DARS1: variants seen among roughly 807,000 people sequenced by gnomAD.
DARS1 encodes aspartate--tRNA ligase, cytoplasmic.
Under a neutral mutation model 68.8 loss-of-function variants are expected in DARS1, and 51 were observed. The ratio of observed to expected loss-of-function variants is 0.74; its 90% CI spans 0.59 to 0.94. DARS1 has a LOEUF of 0.94. DARS1 is among the 40% of genes least tolerant of loss of function. The pLI, the probability that DARS1 is intolerant of heterozygous loss-of-function variation, is 0.00. For missense variants in DARS1, 607 were observed against 597.3 expected (o/e 1.02, Z -0.17); for synonymous variants, 203 against 190.4 (o/e 1.07, Z -0.55).
intron 15 of DARS1, among the ~76,000 whole-genome samples, chr2:135,908,616 G>A (rs1025152224): frequency 6.6e-6 from 1 of 152,134 alleles, no homozygotes; most frequent in African/African-American, 2.4e-5. Flanking sequence ...TCTGACTGGC[G>A]TGAGATGGTA....
At position 135,963,940 on chromosome 2, in the gene DARS1, C is replaced by CA. The variant is rs1021570302; in HGVS notation, c.218-2443dup. Among the ~76,000 whole-genome samples, 8 of 152,246 alleles carry CA rather than the reference C, an allele frequency of 5.3e-5. No individual in the cohort carries two copies. In the South Asian group the frequency reaches 1.0e-3, roughly 20 times the overall value. On this transcript the variant is annotated intron_variant, in intron 3 of 15. Coordinates refer to ENST00000264161, the MANE Select transcript of DARS1 (RefSeq NM_001349.4). Reference sequence around the variant, plus strand: ...AGGTGATCCACCCGCCTTGGCCTCCCAAAGTGCCGGGATTACAGGCGTGAG... The same window carrying CA: ...AGGTGATCCACCCGCCTTGGCCTCCCAAAAGTGCCGGGATTACAGGCGTGAG...
At chr2:135,985,335 C>T in intron 1 of DARS1, 68 bp downstream of exon 1, 1 of 1,566,778 alleles carries the variant, frequency 6.4e-7, no homozygotes, top group Non-Finnish European at 8.6e-7. Flanking sequence ...CACTCCCCCT[C>T]CTCCCTCCCT....
chr2:135,985,428 G>A lies in DARS1; in HGVS notation c.41C>T (p.Pro14Leu). 6.2e-7 allele frequency: 1 copy of A among 1,614,006 alleles called. No individual in the cohort carries two copies. Among genetic ancestry groups the A allele is most frequent in the Non-Finnish European group, 8.5e-7 (1 of 1,179,964 alleles). ...TTCCGCCGCGTCCATGATCTCCCGCGGCTTCTCCTGACTCTTGCGGCTGGC... is the reference window on the plus strand; with the variant it reads ...TTCCGCCGCGTCCATGATCTCCCGCAGCTTCTCCTGACTCTTGCGGCTGGC... ...ASASRKSQEKPREIMDAAEDY... is the reference protein window; with the variant it reads ...ASASRKSQEKLREIMDAAEDY... The change falls in exon 1 of 16, where the codon CCG becomes CTG. Residue 14 changes from proline (P) to leucine (L), a missense_variant. Pro to Leu is a moderately conservative substitution (Grantham distance 98). Transcript: ENST00000264161.
rs587776984 is a variant in DARS1 at position 135,907,363 on chromosome 2, G to A, written c.1459C>T (p.Arg487Cys). 3.7e-6 allele frequency: 6 copies of A among 1,607,906 alleles called. No individual in the cohort carries two copies. The highest frequency in any genetic ancestry group is 1.1e-5 in the South Asian group (1 of 90,906). ...TCACGAGGGAACATGGAGGTCTGAC[G>A]AACATTATGCAATCCCAGAAACAGC... ...TMLFLGLHNV[R>C]QTSMFPRDPK... Residue 487 changes from arginine to cysteine, a missense_variant, in exon 16 of 16, where the codon CGT becomes TGT. Transcript: ENST00000264161.
rs146375416 is a variant in DARS1, at chr2:135,969,421, T to C, written c.218-7923A>G. ...GAATAGAAAAGGTTGGGGCAGAGGA[T>C]AGGTAGTATAGAAGAAAAAAGGGAG... On this transcript the variant is annotated intron_variant, in intron 3 of 15. Coordinates refer to ENST00000264161, the MANE Select transcript of DARS1 (RefSeq NM_001349.4). 1.2e-3 allele frequency among the ~76,000 whole-genome samples: 176 copies of C among 152,090 alleles called. 2 individuals carry two copies. Among genetic ancestry groups the C allele is most frequent in the African/African-American group, 4.0e-3 (168 of 41,496 alleles).
At chr2:135,976,699 G>A (rs1214299442) in intron 3 of DARS1, among the ~76,000 whole-genome samples, 1 of 150,806 alleles carries the variant, frequency 6.6e-6, no homozygotes, top group Non-Finnish European at 1.5e-5. Flanking sequence ...CTTTTTGAGT[G>A]CCGACATGAC....
intron 2 of DARS1, chr2:135,980,636 TC>T (rs1187489322): frequency 6.6e-6 from 1 of 152,172 alleles, no homozygotes; most frequent in Non-Finnish European, 1.5e-5. Context: ...AACTTCCAAG[TC>T]TGCTGTGTAA....
chr2:135,946,646 C>G (rs1304160028), intron 4 of DARS1, among the ~76,000 whole-genome samples: 1 of 152,040 alleles, frequency 6.6e-6, no homozygotes, highest in Non-Finnish European at 1.5e-5. Flanking sequence ...ATCTGAAAAT[C>G]AAGGGTGAAG....
chr2:135,931,944 T>G (rs1444327207), intron 7 of DARS1, among the ~76,000 whole-genome samples: 3 of 152,014 alleles, frequency 2.0e-5, no homozygotes, highest in Admixed American at 2.0e-4. Context: ...GGCAAATAAA[T>G]AAAGAATGAT....
Position 135,911,229 on chromosome 2 carries a change from C to G in DARS1, c.1343-19G>C. The G allele has an allele frequency of 1.5e-6, 2 of 1,310,956 alleles. No homozygotes were observed. Among genetic ancestry groups the G allele is most frequent in the Non-Finnish European group, 2.2e-6 (2 of 906,490 alleles). 81.2% of individuals were successfully genotyped at this position (1,310,956 alleles called of 1,614,324 possible). ...TCCAAATCTGCAAAAAGACACAAAA[C>G]AAAATATAATTTATCATCTTATTTA... On this transcript the variant is annotated intron_variant, in intron 14 of 15. Coordinates refer to ENST00000264161, the MANE Select transcript of DARS1 (RefSeq NM_001349.4).
At chr2:135,931,428 G>A (rs191538604) in intron 7 of DARS1, among the ~76,000 whole-genome samples, 1 of 152,004 alleles carries the variant, frequency 6.6e-6, no homozygotes, top group African/African-American at 2.4e-5. Context: ...AAGGAGACAG[G>A]GGTCTTGCCA....
intron 4 of DARS1, among the ~76,000 whole-genome samples, chr2:135,950,803 C>T (rs1245051827): frequency 6.6e-6 from 1 of 152,100 alleles, no homozygotes; most frequent in Non-Finnish European, 1.5e-5. Flanking sequence ...AGTTGTCATG[C>T]CATGAACACA....
intron 6 of DARS1, 58 bp downstream of exon 6, chr2:135,933,852 A>G (rs1681405881): frequency 1.3e-6 from 2 of 1,554,820 alleles, no homozygotes; most frequent in East Asian, 2.4e-5. Flanking sequence ...CAGGTTTTCA[A>G]TGTTTTGCAA....
At chr2:135,966,118 A>G (rs1391403542) in intron 3 of DARS1, among the ~76,000 whole-genome samples, 1 of 152,214 alleles carries the variant, frequency 6.6e-6, no homozygotes, top group African/African-American at 2.4e-5. Flanking sequence ...AATTTAAAAA[A>G]CAAAAAATAT....
chr2:135,960,806 G>A (rs1171624866), intron 4 of DARS1, among the ~76,000 whole-genome samples: 1 of 152,158 alleles, frequency 6.6e-6, no homozygotes, highest in African/African-American at 2.4e-5. Context: ...CCTCCTGCAA[G>A]CTGAACAAAA....
At chr2:135,935,400 T>C (rs1369548816) in intron 5 of DARS1, among the ~76,000 whole-genome samples, 3 of 151,060 alleles carry the variant, frequency 2.0e-5, no homozygotes, top group Non-Finnish European at 4.4e-5. Flanking sequence ...ATCGAGACCA[T>C]CTTGGCTAAC....
rs571542281 is a variant in DARS1, at chr2:135,945,036, A to T, written c.321-1556T>A. 5.3e-5 allele frequency among the ~76,000 whole-genome samples: 8 copies of T among 152,104 alleles called. No individual in the cohort carries two copies. In the East Asian group the frequency reaches 1.5e-3, roughly 29 times the overall value. ...CCTGACCCCTTGGTCCCCTCGTCTC[A>T]CAAACTTTGACTCCTATTAGAAGGC... is the stretch of plus-strand genomic sequence containing the variant. On this transcript the variant is annotated intron_variant, in intron 4 of 15. Coordinates refer to ENST00000264161, the MANE Select transcript of DARS1 (RefSeq NM_001349.4).
At chr2:135,923,342 T>G (rs528858271) in intron 8 of DARS1, among the ~76,000 whole-genome samples, 3 of 152,294 alleles carry the variant, frequency 2.0e-5, no homozygotes, top group South Asian at 4.1e-4. Flanking sequence ...CAGGCTAGAA[T>G]GCCGTGGCAC....
rs558408020 is a variant in DARS1 at position 135,947,701 on chromosome 2, T to C, written c.321-4221A>G. On this transcript the variant is annotated intron_variant, in intron 4 of 15. Coordinates refer to ENST00000264161, the MANE Select transcript of DARS1 (RefSeq NM_001349.4). ...ATGATTATTGCACTAGACAGTTCTG[T>C]TACAGACTGACAAATTAGAACTAAA... is the stretch of plus-strand genomic sequence containing the variant. Among the ~76,000 whole-genome samples, 5 of 152,154 alleles carry C rather than the reference T, an allele frequency of 3.3e-5. No homozygotes were observed. In the South Asian group the frequency reaches 1.0e-3, roughly 32 times the overall value.
Sources: gnomAD v4.1 joint callset for allele counts (sites outside exome capture counted in the v4.1 genomes callset) on GRCh38, gnomAD v4.1.1 for gene constraint, MANE v1.5 for transcripts, NCBI Gene and HGNC (gene_info 2026-07-23, HGNC 2026-07-21) for gene names.